The following MAP4K4 variants were observed in gnomAD, a reference collection of about 807,000 sequenced individuals.
MAP4K4 encodes the protein HPK/GCK-like kinase HGK.
In MAP4K4, 38 loss-of-function variants were observed where a neutral mutation model predicts 189.6. That is an observed-to-expected ratio of 0.20 (90% CI 0.15 to 0.26). MAP4K4 has a LOEUF of 0.26. MAP4K4 is among the 10% of genes least tolerant of loss of function. The pLI is 1.00. For missense variants in MAP4K4, 1,054 were observed against 1,726.9 expected (o/e 0.61, Z 6.91); for synonymous variants, 610 against 624.3 (o/e 0.98, Z 0.34).
At chr2:101,791,101 G>A (rs1014262875) in intron 3 of MAP4K4, among the ~76,000 whole-genome samples, 1 of 152,162 alleles carries the variant, frequency 6.6e-6, no homozygotes, top group Non-Finnish European at 1.5e-5. Flanking sequence ...GGATCATGGA[G>A]GTCACATGAA....
chr2:101,829,670 T>C (rs1202919731), intron 6 of MAP4K4, 76 bp downstream of exon 6: 8 of 1,018,520 alleles, frequency 7.9e-6, no homozygotes, highest in African/African-American at 4.8e-5. Flanking sequence ...TCTGCTTCCA[T>C]CTAGCTAAAA....
At chr2:101,878,579 T>G (rs2150153645) in intron 27 of MAP4K4, among the ~76,000 whole-genome samples, 1 of 152,338 alleles carries the variant, frequency 6.6e-6, no homozygotes, top group East Asian at 1.9e-4. Context: ...TTCCCTTTTT[T>G]CTCTCATGTG....
intron 3 of MAP4K4, among the ~76,000 whole-genome samples, chr2:101,808,417 T>C (rs1396754507): frequency 6.6e-6 from 1 of 152,162 alleles, no homozygotes; most frequent in Admixed American, 6.5e-5. Flanking sequence ...GGTGAATGTT[T>C]TCTTAACTGT....
At chr2:101,815,905 C>T (rs1470163628) in intron 3 of MAP4K4, among the ~76,000 whole-genome samples, 4 of 152,114 alleles carry the variant, frequency 2.6e-5, no homozygotes, top group South Asian at 2.1e-4. Flanking sequence ...AGGTGGTTTC[C>T]GCACGGGGAC....
chr2:101,745,526 C>T (rs930739365), intron 2 of MAP4K4, among the ~76,000 whole-genome samples: 7 of 151,536 alleles, frequency 4.6e-5, no homozygotes, highest in Admixed American at 3.3e-4. Context: ...ACCTTTGGGC[C>T]ATGAGTTCTA....
At chr2:101,871,353 G>A in intron 23 of MAP4K4, 141 bp from the exon 24 acceptor site, 1 of 648,200 alleles carries the variant, frequency 1.5e-6, no homozygotes, top group South Asian at 2.1e-5. Context: ...AGTGTGAGCA[G>A]TTCAGGCTAA....
intron 2 of MAP4K4, among the ~76,000 whole-genome samples, chr2:101,784,902 G>A (rs2089875540): frequency 6.6e-6 from 1 of 152,094 alleles, no homozygotes; most frequent in Non-Finnish European, 1.5e-5. Context: ...CTGAGCTTTA[G>A]TTTCTCCATC....
intron 2 of MAP4K4, among the ~76,000 whole-genome samples, chr2:101,736,736 G>T (rs2060410980): frequency 6.6e-6 from 1 of 152,158 alleles, no homozygotes; most frequent in Admixed American, 6.5e-5. Context: ...CTCACTGCTT[G>T]TGAGTAATTG....
At chr2:101,763,755 G>A (rs2077417916) in intron 2 of MAP4K4, among the ~76,000 whole-genome samples, 1 of 152,138 alleles carries the variant, frequency 6.6e-6, no homozygotes, top group Non-Finnish European at 1.5e-5. Context: ...GAGAAACAAA[G>A]GTGAGGAATT....
intron 32 of MAP4K4, among the ~76,000 whole-genome samples, chr2:101,890,295 C>A (rs2098546805): frequency 6.6e-6 from 1 of 152,172 alleles, no homozygotes; most frequent in African/African-American, 2.4e-5. Context: ...AAAGAAATAA[C>A]TTCAGAAACA....
At chr2:101,883,352 A>G (rs923166751) in intron 28 of MAP4K4, among the ~76,000 whole-genome samples, 1 of 151,426 alleles carries the variant, frequency 6.6e-6, no homozygotes, top group African/African-American at 2.4e-5. Flanking sequence ...TTTTTTTGAG[A>G]TGGAGTTTTG....
intron 3 of MAP4K4, among the ~76,000 whole-genome samples, chr2:101,792,313 G>GT (rs1416869293): frequency 1.3e-5 from 2 of 152,130 alleles, no homozygotes; most frequent in Non-Finnish European, 2.9e-5. Flanking sequence ...AATTTTAAAT[G>GT]TAATCTTTTG....
chr2:101,789,605 T>A (rs1433712027), intron 2 of MAP4K4, among the ~76,000 whole-genome samples: 3 of 152,184 alleles, frequency 2.0e-5, no homozygotes, highest in Non-Finnish European at 4.4e-5. Context: ...CTCCTCAGAT[T>A]TAAAGTTTCA....
At chr2:101,787,119 C>G (rs2091561695) in intron 2 of MAP4K4, among the ~76,000 whole-genome samples, 1 of 151,954 alleles carries the variant, frequency 6.6e-6, no homozygotes. Context: ...AAAAAAAGAC[C>G]CTGTTAAATA....
At chr2:101,891,219 C>T in exon 33 of MAP4K4, 1 of 1,613,750 alleles carries the variant, frequency 6.2e-7, no homozygotes, top group Non-Finnish European at 8.5e-7. Flanking sequence ...ATTTCATGAC[C>T]TTAGGCAGGA....
In MAP4K4 at chr2:101,793,175, C is replaced by G. The variant is rs116730756; in HGVS notation, c.180+2399C>G. On this transcript the variant is annotated intron_variant, in intron 3 of 32. Transcript: ENST00000324219. Reference sequence around the variant, plus strand: ...GCAATTATTGCAAAACCCATGTATTCAGGTAAAATGAAAACCAGATGGTGA... The same window carrying G: ...GCAATTATTGCAAAACCCATGTATTGAGGTAAAATGAAAACCAGATGGTGA... 3.0e-3 allele frequency among the ~76,000 whole-genome samples: 463 copies of G among 152,274 alleles called. 3 individuals are homozygous for G. The highest frequency in any genetic ancestry group is 0.011 in the African/African-American group (448 of 41,554).
intron 7 of MAP4K4, among the ~76,000 whole-genome samples, chr2:101,832,129 T>G (rs2096610527): frequency 6.6e-6 from 1 of 152,272 alleles, no homozygotes; most frequent in Non-Finnish European, 1.5e-5. Context: ...TCCTATTTGC[T>G]ATCCATTTTT....
At chr2:101,712,937 C>CT (rs1456724414) in intron 2 of MAP4K4, among the ~76,000 whole-genome samples, 5 of 145,550 alleles carry the variant, frequency 3.4e-5, no homozygotes, top group Non-Finnish European at 7.5e-5. Context: ...GAGTCTCACT[C>CT]TGTCACCCAA....
At chr2:101,825,648 G>A (rs1459961824) in intron 5 of MAP4K4, among the ~76,000 whole-genome samples, 4 of 152,260 alleles carry the variant, frequency 2.6e-5, no homozygotes, top group Middle Eastern at 3.4e-3. Context: ...AATAAAAAAA[G>A]CATTTCTGAA....
Sources: allele counts gnomAD v4.1 joint callset (sites outside exome capture counted in the v4.1 genomes callset), GRCh38; gene constraint gnomAD v4.1.1; transcripts MANE v1.5; gene names NCBI Gene and HGNC (gene_info 2026-07-23, HGNC 2026-07-21).